Variants in TMEM161B observed in about 807,000 individuals in gnomAD.
TMEM161B encodes transmembrane protein 161B.
A neutral mutation model predicts 61.8 loss-of-function variants in TMEM161B; 34 were observed. That is an observed-to-expected ratio of 0.55 (90% CI 0.42 to 0.73). The LOEUF (loss-of-function observed/expected upper bound fraction) is 0.73. Ranked by LOEUF, TMEM161B falls within the 30% of genes least tolerant of loss-of-function variation. The pLI is 0.00. For missense variants in TMEM161B, 456 were observed against 558.5 expected, an observed-to-expected ratio of 0.82 and a Z score of 1.85; for synonymous variants, 167 against 192.8, an observed-to-expected ratio of 0.87 and a Z score of 1.11.
intron 1 of TMEM161B, among the ~76,000 whole-genome samples, chr5:88,260,775 C>T (rs958101413): frequency 5.3e-5 from 8 of 152,148 alleles, no homozygotes; most frequent in African/African-American, 1.9e-4. Flanking sequence ...CATACAAGCA[C>T]ATCGATTTTC....
At chr5:88,228,001 G>C (rs1750344307) in intron 3 of TMEM161B, among the ~76,000 whole-genome samples, 1 of 152,062 alleles carries the variant, frequency 6.6e-6, no homozygotes, top group African/African-American at 2.4e-5. Context: ...TTCAGGAGCT[G>C]ATGGGACCTA....
intron 1 of TMEM161B, among the ~76,000 whole-genome samples, chr5:88,247,154 T>C (rs1343429559): frequency 6.6e-6 from 1 of 152,090 alleles, no homozygotes; most frequent in Non-Finnish European, 1.5e-5. Context: ...CTTACAATTG[T>C]TGTCAGTAAT....
intron 2 of TMEM161B, among the ~76,000 whole-genome samples, chr5:88,232,198 C>G (rs115700951): frequency 6.6e-6 from 1 of 152,192 alleles, no homozygotes; most frequent in South Asian, 2.1e-4. Flanking sequence ...GTATGACAGC[C>G]GAAACAATAA....
intron 1 of TMEM161B, among the ~76,000 whole-genome samples, chr5:88,266,881 A>C (rs1445205309): frequency 6.6e-6 from 1 of 152,216 alleles, no homozygotes; most frequent in African/African-American, 2.4e-5. Flanking sequence ...CAGAAGGAAA[A>C]GAGCCAACTA....
chr5:88,187,852 TTGA>T (rs1243922356), downstream of TMEM161B, among the ~76,000 whole-genome samples: 1 of 152,208 alleles, frequency 6.6e-6, no homozygotes, highest in Non-Finnish European at 1.5e-5. Flanking sequence ...TTCCTTAGGT[TTGA>T]TGATCTCTTA....
chr5:88,241,198 A>C (rs1752678020), intron 1 of TMEM161B, among the ~76,000 whole-genome samples: 1 of 151,804 alleles, frequency 6.6e-6, no homozygotes, highest in African/African-American at 2.4e-5. Flanking sequence ...AGGTATTATA[A>C]GTAATCTAGA....
chr5:88,235,563 T>C (rs1231757408), intron 2 of TMEM161B, among the ~76,000 whole-genome samples: 2 of 152,052 alleles, frequency 1.3e-5, no homozygotes, highest in African/African-American at 4.8e-5. Flanking sequence ...TTCCACCAGG[T>C]GGTGATACAA....
At chr5:88,259,045 C>A (rs1247394623) in intron 1 of TMEM161B, among the ~76,000 whole-genome samples, 2 of 152,144 alleles carry the variant, frequency 1.3e-5, no homozygotes, top group Admixed American at 1.3e-4. Context: ...TGTTGAAGTT[C>A]CTTCTTCATA....
At chr5:88,200,803 G>A (rs1368649925) in intron 9 of TMEM161B, 1 of 152,010 alleles carries the variant, frequency 6.6e-6, no homozygotes, top group African/African-American at 2.4e-5. Flanking sequence ...AGGAGATTAT[G>A]AGCACACATG....
At chr5:88,198,251 A>G (rs1750040900) in intron 10 of TMEM161B, 1 of 152,104 alleles carries the variant, frequency 6.6e-6, no homozygotes, top group African/African-American at 2.4e-5. Flanking sequence ...TAAAACAGAA[A>G]AAAGTTGTTT....
At chr5:88,206,330 C>A (rs565060493) in intron 7 of TMEM161B, 109 bp downstream of exon 7, 2 of 870,440 alleles carry the variant, frequency 2.3e-6, no homozygotes, top group East Asian at 2.7e-5. Context: ...AAGTGACAGT[C>A]CAACTTAAAA....
At chr5:88,233,426 T>C (rs1033208689) in intron 2 of TMEM161B, among the ~76,000 whole-genome samples, 13 of 152,142 alleles carry the variant, frequency 8.5e-5, no homozygotes, top group African/African-American at 2.6e-4. Context: ...CATAGGACAT[T>C]ACAGTAACTA....
intron 3 of TMEM161B, among the ~76,000 whole-genome samples, chr5:88,226,278 T>C (rs1211181869): frequency 1.3e-5 from 2 of 152,058 alleles, no homozygotes; most frequent in Non-Finnish European, 2.9e-5. Flanking sequence ...CGGAACCATA[T>C]GCAAGTCAGA....
At chr5:88,238,789 A>G (rs968070857) in intron 2 of TMEM161B, among the ~76,000 whole-genome samples, 1 of 152,052 alleles carries the variant, frequency 6.6e-6, no homozygotes, top group Non-Finnish European at 1.5e-5. Context: ...GGATAAAATC[A>G]ATAATCTTAT....
chr5:88,258,758 C>T (rs566974176), intron 1 of TMEM161B, among the ~76,000 whole-genome samples: 1 of 152,076 alleles, frequency 6.6e-6, no homozygotes. Context: ...TATGGCATTG[C>T]TTTTTCTAAG....
intron 2 of TMEM161B, among the ~76,000 whole-genome samples, chr5:88,237,440 A>C (rs1279793406): frequency 6.6e-6 from 1 of 152,102 alleles, no homozygotes; most frequent in Non-Finnish European, 1.5e-5. Context: ...AGCTCAGAGG[A>C]TAGCTGAGCC....
intron 5 of TMEM161B, among the ~76,000 whole-genome samples, chr5:88,208,250 G>A (rs369796480): frequency 2.0e-5 from 3 of 152,074 alleles, no homozygotes; most frequent in African/African-American, 4.8e-5. Context: ...TTGGGAGGCC[G>A]AGGCGGCTGG....
At chr5:88,240,733 A>C in intron 2 of TMEM161B, 80 bp downstream of exon 2, 1 of 1,107,720 alleles carries the variant, frequency 9.0e-7, no homozygotes, top group Non-Finnish European at 1.4e-6. Context: ...AAAGTTTTAG[A>C]AACAGTAACT....
intron 8 of TMEM161B, among the ~76,000 whole-genome samples, chr5:88,204,849 TAAAA>T (rs33955317): frequency 4.9e-5 from 7 of 143,968 alleles, no homozygotes; most frequent in Admixed American, 3.5e-4. Context: ...GAAGTGAGGT[TAAAA>T]AAAAAAGACA....
Sources: gnomAD v4.1 joint callset for allele counts (sites outside exome capture counted in the v4.1 genomes callset) on GRCh38, gnomAD v4.1.1 for gene constraint, MANE v1.5 for transcripts, NCBI Gene and HGNC (gene_info 2026-07-23, HGNC 2026-07-21) for gene names.